MYH15: variants seen among roughly 807,000 people sequenced by gnomAD.
MYH15 encodes the protein myosin-15.
In MYH15, 227 loss-of-function variants were observed where a neutral mutation model predicts 240.5. That is an observed-to-expected ratio of 0.94 (90% CI 0.85 to 1.05). The LOEUF (loss-of-function observed/expected upper bound fraction) is 1.05, where lower values mean the gene tolerates loss of function less well. MYH15 is among the 50% of genes least tolerant of loss of function. The pLI is 0.00. For missense variants in MYH15, 2,217 were observed against 2,247.5 expected, an observed-to-expected ratio of 0.99 and a Z score of 0.27; for synonymous variants, 785 against 796.7, an observed-to-expected ratio of 0.99 and a Z score of 0.25.
In MYH15 at chr3:108,463,133, T is replaced by A; in HGVS notation, c.1842A>T (p.Glu614Asp). The A allele has an allele frequency of 6.2e-7, 1 of 1,611,190 alleles. No homozygotes were observed. The highest frequency in any genetic ancestry group is 8.5e-7 in the Non-Finnish European group (1 of 1,179,126). The change falls in exon 16 of 41, where the codon GAA becomes GAT. Residue 614 changes from glutamate to aspartate, a missense_variant. Transcript: ENST00000693548. ...CACCACTGTCAGTACTCATGTAATT[T>A]TCAAAAAGGCTCGCCAGGAGTCTGT... is the stretch of plus-strand genomic sequence containing the variant. Reference protein sequence around the residue: ...SSNRLLASLFENYMSTDSAIP... With the variant: ...SSNRLLASLFDNYMSTDSAIP...
the MYH15 span, chr3:108,550,172 A>G: frequency 6.6e-6 from 1 of 151,806 alleles, no homozygotes; most frequent in Admixed American, 6.6e-5. Flanking sequence ...CAGAGTAGTT[A>G]GAGGATATGA....
At chr3:108,427,486 C>T (rs1576226722) in intron 27 of MYH15, among the ~76,000 whole-genome samples, 2 of 152,144 alleles carry the variant, frequency 1.3e-5, no homozygotes, top group Admixed American at 6.5e-5. Flanking sequence ...AATAAACCTG[C>T]TGCTACCTTG....
intron 21 of MYH15, among the ~76,000 whole-genome samples, chr3:108,449,578 T>C (rs2082955991): frequency 1.3e-5 from 2 of 151,954 alleles, no homozygotes; most frequent in Admixed American, 1.3e-4. Flanking sequence ...TATACAAATA[T>C]GAACTCAAAA....
chr3:108,400,163 C>T (rs2082493335), intron 33 of MYH15, among the ~76,000 whole-genome samples: 1 of 152,202 alleles, frequency 6.6e-6, no homozygotes, highest in Non-Finnish European at 1.5e-5. Context: ...TGGCCACATA[C>T]AGAAGGTCAT....
chr3:108,384,178 G>A (rs1464897164), intron 39 of MYH15, among the ~76,000 whole-genome samples: 2 of 152,138 alleles, frequency 1.3e-5, no homozygotes, highest in Non-Finnish European at 2.9e-5. Flanking sequence ...CCCCTCAAGA[G>A]TTAATATTAG....
chr3:108,382,908 CTG>C (rs1345117360), intron 40 of MYH15, among the ~76,000 whole-genome samples: 2 of 152,186 alleles, frequency 1.3e-5, no homozygotes, highest in Middle Eastern at 3.2e-3. Context: ...CGTTTAAAAA[CTG>C]TGTGTTCCTG....
At chr3:108,440,919 GTTAA>G in intron 23 of MYH15, 95 bp downstream of exon 23, 1 of 1,429,338 alleles carries the variant, frequency 7.0e-7, no homozygotes. Context: ...AGGCCACTGT[GTTAA>G]TTAACTTGAA....
intron 5 of MYH15, among the ~76,000 whole-genome samples, chr3:108,499,155 A>G (rs1014638621): frequency 6.6e-6 from 1 of 152,128 alleles, no homozygotes; most frequent in African/African-American, 2.4e-5. Context: ...GAAGATGACC[A>G]TTTGGAACAG....
In MYH15 at chr3:108,384,681, A is replaced by T. The variant is rs2082367893; in HGVS notation, c.5631+6T>A. The T allele has an allele frequency of 6.2e-7, 1 of 1,612,040 alleles. No homozygotes were observed. Among genetic ancestry groups the T allele is most frequent in the Non-Finnish European group, 8.5e-7 (1 of 1,178,536 alleles). On this transcript the variant is annotated splice_donor_region_variant and intron_variant, in intron 39 of 40. Coordinates refer to ENST00000693548, the MANE Select transcript of MYH15 (RefSeq NM_014981.3). ...CCATGAGGCTGAAACTTCCCCAGGC[A>T]CTCACCGCCACCTCGACTTGCTGCT... is the stretch of plus-strand genomic sequence containing the variant.
At chr3:108,527,576 C>A (rs569490510) in intron 1 of MYH15, among the ~76,000 whole-genome samples, 1 of 152,246 alleles carries the variant, frequency 6.6e-6, no homozygotes, top group Non-Finnish European at 1.5e-5. Flanking sequence ...AAGTTATTTG[C>A]AATGCATTTC....
intron 9 of MYH15, among the ~76,000 whole-genome samples, chr3:108,490,867 A>G (rs113030989): frequency 2.6e-5 from 4 of 151,678 alleles, no homozygotes; most frequent in African/African-American, 9.7e-5. Flanking sequence ...CATATAACCT[A>G]CAAAGAAATT....
intron 3 of MYH15, 126 bp from the exon 4 acceptor site, chr3:108,500,400 G>A: frequency 2.0e-6 from 2 of 1,010,544 alleles, no homozygotes; most frequent in Non-Finnish European, 2.8e-6. Flanking sequence ...GGGAGCTTTT[G>A]GAATCATGTA....
At position 108,416,876 on chromosome 3, in the gene MYH15, C is replaced by G. The variant is rs1194562270; in HGVS notation, c.3884G>C (p.Arg1295Thr). ...CTGCCGAGTGAAGTTGCTCTTTTCC[C>G]TGGAAAGTTGGTTTATCAGAGCCTC... ...EKEALINQLSREKSNFTRQIE... is the reference protein window; with the variant it reads ...EKEALINQLSTEKSNFTRQIE... The change falls in exon 29 of 41, where the codon AGG (arginine) becomes ACG (threonine). Residue 1295 changes from arginine to threonine, a missense_variant. Physicochemically the swap from Arg to Thr is moderately conservative, Grantham distance 71 (BLOSUM62 -1). Coordinates refer to ENST00000693548, the MANE Select transcript of MYH15 (RefSeq NM_014981.3). The G allele has an allele frequency of 1.9e-6, 3 of 1,613,970 alleles. No individual in the cohort carries two copies. In the African/African-American group the frequency reaches 4.0e-5, roughly 22 times the overall value.
At chr3:108,498,243 A>C in intron 5 of MYH15, 98 bp from the exon 6 acceptor site, 1 of 1,016,358 alleles carries the variant, frequency 9.8e-7, no homozygotes, top group Non-Finnish European at 1.5e-6. Flanking sequence ...CAAGCAGGGA[A>C]GCTTTTACAT....
chr3:108,463,368 G>A, intron 15 of MYH15, 125 bp from the exon 16 acceptor site: 1 of 1,035,192 alleles, frequency 9.7e-7, no homozygotes, highest in Non-Finnish European at 1.4e-6. Flanking sequence ...AGGCTAGAAT[G>A]CAGTGGCATA....
chr3:108,445,424 AT>A (rs775431275), intron 21 of MYH15, among the ~76,000 whole-genome samples: 10 of 151,304 alleles, frequency 6.6e-5, no homozygotes, highest in African/African-American at 9.7e-5. Context: ...CCTGCTTCAG[AT>A]TTTTTTTTAA....
chr3:108,542,240 C>T, the MYH15 span, among the ~76,000 whole-genome samples: 8 of 152,050 alleles, frequency 5.3e-5, no homozygotes, highest in South Asian at 4.1e-4. Context: ...TTATAATTAA[C>T]GAACCAGTAT....
intron 33 of MYH15, among the ~76,000 whole-genome samples, chr3:108,404,593 A>G (rs1455647263): frequency 6.6e-6 from 1 of 152,186 alleles, no homozygotes; most frequent in South Asian, 2.1e-4. Flanking sequence ...AGAAGCTAAG[A>G]AGTGGAATGT....
intron 21 of MYH15, 84 bp downstream of exon 21, chr3:108,453,922 C>A: frequency 7.3e-7 from 1 of 1,375,110 alleles, no homozygotes; most frequent in Non-Finnish European, 9.9e-7. Context: ...AGCTCTTGAC[C>A]TACTATAAGG....
Sources: gnomAD v4.1 joint callset for allele counts (sites outside exome capture counted in the v4.1 genomes callset) on GRCh38, gnomAD v4.1.1 for gene constraint, MANE v1.5 for transcripts, NCBI Gene and HGNC (gene_info 2026-07-23, HGNC 2026-07-21) for gene names.